Variants in ITFG1 observed in about 807,000 individuals in gnomAD.
The protein encoded by ITFG1 is integrin alpha FG-GAP repeat containing 1.
ITFG1 carries 34 observed loss-of-function variants against 81.8 expected under a neutral mutation model. The ratio of observed to expected loss-of-function variants is 0.42; its 90% confidence interval spans 0.32 to 0.55. The LOEUF (loss-of-function observed/expected upper bound fraction) is 0.55, where lower values mean the gene tolerates loss of function less well. Ranked by LOEUF, ITFG1 falls within the 20% of genes least tolerant of loss-of-function variation. The pLI is 0.17. For synonymous variants in ITFG1, 285 were observed against 270.6 expected (o/e 1.05, Z -0.52); for missense variants, 672 against 755.4 (o/e 0.89, Z 1.29).
At chr16:47,381,164 G>T (rs1968391443) in intron 6 of ITFG1, among the ~76,000 whole-genome samples, 1 of 152,100 alleles carries the variant, frequency 6.6e-6, no homozygotes, top group Non-Finnish European at 1.5e-5. Context: ...GGAAGCCTCA[G>T]GAGTTTTAGA....
At chr16:47,282,538 A>G (rs1304825733) in intron 10 of ITFG1, among the ~76,000 whole-genome samples, 2 of 152,162 alleles carry the variant, frequency 1.3e-5, no homozygotes, top group Non-Finnish European at 2.9e-5. Flanking sequence ...TACTATGAAT[A>G]GTGCTGCAAA....
At chr16:47,294,072 A>G (rs1046493896) in intron 10 of ITFG1, among the ~76,000 whole-genome samples, 1 of 152,044 alleles carries the variant, frequency 6.6e-6, no homozygotes, top group Non-Finnish European at 1.5e-5. Flanking sequence ...AGTTTTCATT[A>G]TTCTGTATAT....
intron 13 of ITFG1, among the ~76,000 whole-genome samples, chr16:47,222,384 C>A (rs1965702325): frequency 6.6e-6 from 1 of 150,642 alleles, no homozygotes; most frequent in Non-Finnish European, 1.5e-5. Context: ...AGTTTCCATG[C>A]AGTTGAGTGG....
chr16:47,306,607 G>A (rs1217965598), intron 10 of ITFG1, among the ~76,000 whole-genome samples: 3 of 150,276 alleles, frequency 2.0e-5, no homozygotes, highest in Non-Finnish European at 4.4e-5. Context: ...GAAAACAAGA[G>A]TAAACTTCTA....
At chr16:47,247,228 AT>A (rs1178002075) in intron 12 of ITFG1, among the ~76,000 whole-genome samples, 1 of 151,824 alleles carries the variant, frequency 6.6e-6, no homozygotes, top group African/African-American at 2.4e-5. Context: ...TTTTATTCTC[AT>A]TTTTTCCCCT....
chr16:47,263,458 C>A, intron 10 of ITFG1: 2 of 389,924 alleles, frequency 5.1e-6, no homozygotes, highest in Non-Finnish European at 1.0e-5. Context: ...TCTCCAGTGA[C>A]AATGCAGTTG....
chr16:47,199,926 T>TCA, intron 14 of ITFG1, among the ~76,000 whole-genome samples: 1 of 151,840 alleles, frequency 6.6e-6, no homozygotes, highest in Non-Finnish European at 1.5e-5. Context: ...GCTGCACAGT[T>TCA]CACAATAGGG....
At chr16:47,226,815 T>A (rs1470493841) in intron 13 of ITFG1, among the ~76,000 whole-genome samples, 1 of 151,852 alleles carries the variant, frequency 6.6e-6, no homozygotes, top group East Asian at 1.9e-4. Context: ...ATTAAAGAGA[T>A]TTGTAATAAC....
intron 8 of ITFG1, among the ~76,000 whole-genome samples, chr16:47,340,751 G>A (rs530122262): frequency 6.6e-6 from 1 of 152,114 alleles, no homozygotes; most frequent in South Asian, 2.1e-4. Context: ...AAAAAACATG[G>A]TCCAACTATA....
intron 13 of ITFG1, among the ~76,000 whole-genome samples, chr16:47,223,110 T>C (rs1018435301): frequency 6.6e-6 from 1 of 151,500 alleles, no homozygotes; most frequent in Non-Finnish European, 1.5e-5. Context: ...ACTTAAACAT[T>C]AGACCTAAAA....
At chr16:47,260,022 T>G (rs2151542067) in intron 11 of ITFG1, among the ~76,000 whole-genome samples, 1 of 150,766 alleles carries the variant, frequency 6.6e-6, no homozygotes, top group African/African-American at 2.4e-5. Flanking sequence ...CACTGCAAAC[T>G]CTGCCTCCCG....
chr16:47,365,589 C>A (rs1968166291), intron 8 of ITFG1, 199 bp downstream of exon 8: 3 of 464,348 alleles, frequency 6.5e-6, no homozygotes, highest in African/African-American at 3.9e-5. Context: ...TTAAACACAT[C>A]ATAAATTTCT....
chr16:47,166,765 T>TCTC (rs60932644), intron 14 of ITFG1, among the ~76,000 whole-genome samples: 150,770 of 152,208 alleles, frequency 0.99, 74,687 homozygotes, highest in East Asian at 1. Flanking sequence ...ATGCTTTAGT[T>TCTC]TGCACCCAAA....
chr16:47,252,230 T>C (rs1459205574), intron 12 of ITFG1, among the ~76,000 whole-genome samples: 1 of 152,170 alleles, frequency 6.6e-6, no homozygotes, highest in African/African-American at 2.4e-5. Context: ...AGAAAGGATT[T>C]ATAAAATGGA....
At chr16:47,169,923 AG>A (rs1393015211) in intron 14 of ITFG1, among the ~76,000 whole-genome samples, 1 of 152,190 alleles carries the variant, frequency 6.6e-6, no homozygotes, top group Non-Finnish European at 1.5e-5. Context: ...AATTTTTTTT[AG>A]TATCTATTGA....
intron 6 of ITFG1, among the ~76,000 whole-genome samples, chr16:47,403,761 T>TACACACAC (rs55978309): frequency 0.017 from 2,244 of 133,198 alleles, 24 homozygotes; most frequent in Non-Finnish European, 0.023. Context: ...TCTCTCTTGG[T>TACACACAC]ACACACACAC....
At chr16:47,322,289 A>T (rs916242020) in intron 8 of ITFG1, among the ~76,000 whole-genome samples, 2 of 152,250 alleles carry the variant, frequency 1.3e-5, no homozygotes, top group African/African-American at 4.8e-5. Flanking sequence ...CCAAGGACAC[A>T]GAAAGTTAAC....
In ITFG1 at chr16:47,269,804, A is replaced by C. The variant is rs116503750; in HGVS notation, c.1071-9109T>G. On this transcript the variant is annotated intron_variant, in intron 10 of 17. Transcript: ENST00000320640. ...CTGACAAACTGACCCTAAAATTTAT[A>C]GGAAATACAAAGAAACTAGAACAGC... Among the ~76,000 whole-genome samples, 314 of 152,276 alleles carry C rather than the reference A, an allele frequency of 2.1e-3. 4 individuals are homozygous for C. The highest frequency in any genetic ancestry group is 7.2e-3 in the African/African-American group (299 of 41,570).
intron 12 of ITFG1, among the ~76,000 whole-genome samples, chr16:47,251,358 C>T (rs553828522): frequency 6.6e-6 from 1 of 152,328 alleles, no homozygotes; most frequent in South Asian, 2.1e-4. Context: ...CTGGTGGGCT[C>T]CCAGCTTGTG....
Sources: allele counts gnomAD v4.1 joint callset (sites outside exome capture counted in the v4.1 genomes callset), GRCh38; gene constraint gnomAD v4.1.1; transcripts MANE v1.5; gene names NCBI Gene and HGNC (gene_info 2026-07-23, HGNC 2026-07-21).